The following STXBP5L variants were observed in gnomAD, a reference collection of about 807,000 sequenced individuals.
STXBP5L encodes syntaxin binding protein 5L.
STXBP5L carries 65 observed loss-of-function variants against 144.5 expected under a neutral mutation model. The ratio of observed to expected loss-of-function variants is 0.45; its 90% CI spans 0.37 to 0.55. The LOEUF (loss-of-function observed/expected upper bound fraction) is 0.55, where lower values mean the gene tolerates loss of function less well. Among genes scored for constraint, STXBP5L ranks in the 20% least tolerant of loss-of-function variants. STXBP5L has a pLI of 0.00. For missense variants in STXBP5L, 1,298 were observed against 1,405.5 expected (o/e 0.92, Z 1.22); for synonymous variants, 505 against 469.6 (o/e 1.08, Z -0.97).
At chr3:120,991,904 A>G (rs554580469) in intron 3 of STXBP5L, among the ~76,000 whole-genome samples, 333 of 152,330 alleles carry the variant, frequency 2.2e-3, no homozygotes, top group Non-Finnish European at 3.7e-3. Context: ...TGGCACATGT[A>G]TACATATGTA....
At chr3:121,407,215 T>A in intron 22 of STXBP5L, 28 bp from the exon 23 acceptor site, 1 of 1,527,684 alleles carries the variant, frequency 6.5e-7, no homozygotes, top group Non-Finnish European at 8.8e-7. Flanking sequence ...GAATTTGACA[T>A]GTCAGTGATG....
intron 20 of STXBP5L, among the ~76,000 whole-genome samples, chr3:121,343,927 G>T (rs1395123783): frequency 6.6e-6 from 1 of 151,166 alleles, no homozygotes; most frequent in Non-Finnish European, 1.5e-5. Flanking sequence ...CCAAAAAAGA[G>T]CCTGCATCAC....
intron 9 of STXBP5L, among the ~76,000 whole-genome samples, chr3:121,161,077 A>T (rs968695403): frequency 6.6e-6 from 1 of 151,990 alleles, no homozygotes; most frequent in African/African-American, 2.4e-5. Context: ...TCTTTTTTTA[A>T]TTAAGAGGAA....
At chr3:121,340,900 T>C (rs1200978950) in intron 20 of STXBP5L, among the ~76,000 whole-genome samples, 1 of 152,122 alleles carries the variant, frequency 6.6e-6, no homozygotes, top group Non-Finnish European at 1.5e-5. Flanking sequence ...TTCTCTTTGC[T>C]AGCTTGTTTA....
chr3:120,965,833 G>T (rs771145515), intron 3 of STXBP5L, among the ~76,000 whole-genome samples: 5 of 152,054 alleles, frequency 3.3e-5, no homozygotes, highest in African/African-American at 4.8e-5. Flanking sequence ...GTCTTGCTAG[G>T]TTGGGGAAAT....
rs1353440295 is a variant in STXBP5L at position 120,977,755 on chromosome 3, C to T, written c.287+22718C>T. On this transcript the variant is annotated intron_variant, in intron 3 of 26. Transcript: ENST00000471454. Reference sequence around the variant, plus strand: ...GGCAGGCCTGGTGGTGACAAAATCTCTCAGCATTTGCTTGTCTGTGAAGTA... The same window carrying T: ...GGCAGGCCTGGTGGTGACAAAATCTTTCAGCATTTGCTTGTCTGTGAAGTA... Among the ~76,000 whole-genome samples, 6 of 152,214 alleles carry T rather than the reference C, an allele frequency of 3.9e-5. No homozygotes were observed. In the South Asian group the frequency reaches 8.3e-4, roughly 21 times the overall value.
chr3:121,217,875 A>G (rs1271976124), intron 10 of STXBP5L, among the ~76,000 whole-genome samples: 2 of 151,416 alleles, frequency 1.3e-5, no homozygotes, highest in Admixed American at 6.6e-5. Flanking sequence ...TATGACGTCT[A>G]TTTTATTGCT....
chr3:121,378,277 G>C (rs1171978564), intron 20 of STXBP5L, among the ~76,000 whole-genome samples: 1 of 152,132 alleles, frequency 6.6e-6, no homozygotes, highest in Non-Finnish European at 1.5e-5. Context: ...CATGGTGCAT[G>C]TATACCTATG....
At chr3:121,022,307 AG>A (rs1344333342) in intron 3 of STXBP5L, among the ~76,000 whole-genome samples, 1 of 152,180 alleles carries the variant, frequency 6.6e-6, no homozygotes, top group Non-Finnish European at 1.5e-5. Flanking sequence ...CAACAAAAAA[AG>A]TCCAGGACCA....
intron 20 of STXBP5L, among the ~76,000 whole-genome samples, chr3:121,342,963 A>G (rs1383099781): frequency 6.6e-6 from 1 of 150,456 alleles, no homozygotes; most frequent in African/African-American, 2.4e-5. Context: ...AGTCCCACCA[A>G]CAGTGTAAAA....
At chr3:121,084,633 G>A (rs188043424) in intron 5 of STXBP5L, among the ~76,000 whole-genome samples, 2 of 152,254 alleles carry the variant, frequency 1.3e-5, no homozygotes, top group African/African-American at 4.8e-5. Flanking sequence ...TTGATTCCAT[G>A]TCTTTACTCT....
chr3:121,007,351 T>G (rs867455952), intron 3 of STXBP5L, among the ~76,000 whole-genome samples: 2 of 152,056 alleles, frequency 1.3e-5, no homozygotes, highest in Admixed American at 6.6e-5. Context: ...TCTTTTATGA[T>G]AATAGTTTTG....
intron 3 of STXBP5L, among the ~76,000 whole-genome samples, chr3:120,973,766 TC>T (rs1198095429): frequency 6.6e-6 from 1 of 151,816 alleles, no homozygotes; most frequent in Non-Finnish European, 1.5e-5. Context: ...ATTGTTCAAT[TC>T]CCACCTATGA....
chr3:120,979,309 C>T (rs1034893183), intron 3 of STXBP5L, among the ~76,000 whole-genome samples: 8 of 152,182 alleles, frequency 5.3e-5, no homozygotes, highest in Non-Finnish European at 1.0e-4. Flanking sequence ...GACTGCTGTG[C>T]TAGCAATCAG....
chr3:121,017,550 C>T (rs543780275), intron 3 of STXBP5L, among the ~76,000 whole-genome samples: 1 of 152,116 alleles, frequency 6.6e-6, no homozygotes, highest in Admixed American at 6.5e-5. Context: ...ACAGAATCAA[C>T]AAAAACACTT....
chr3:121,045,973 C>T (rs1947491332), intron 5 of STXBP5L, among the ~76,000 whole-genome samples: 1 of 152,090 alleles, frequency 6.6e-6, no homozygotes. Context: ...CCAGGTTTTG[C>T]CCATTCAGTA....
chr3:121,343,085 C>A (rs2044789043), intron 20 of STXBP5L, among the ~76,000 whole-genome samples: 1 of 152,184 alleles, frequency 6.6e-6, no homozygotes, highest in Non-Finnish European at 1.5e-5. Flanking sequence ...ATTTCCATTT[C>A]TCTGATAGCC....
chr3:121,064,071 T>C (rs1325825386), intron 5 of STXBP5L, among the ~76,000 whole-genome samples: 2 of 152,148 alleles, frequency 1.3e-5, no homozygotes, highest in African/African-American at 4.8e-5. Context: ...CGGTGTCTGC[T>C]CAAATGGCTG....
At position 121,345,316 on chromosome 3, in the gene STXBP5L, A is replaced by G. The variant is rs2044913573; in HGVS notation, c.2176+26776A>G. ...AGAATGATGGTTTCCAGCTTCATCCATGTCCCTGCAAAGGACATGAACTCA... is the reference window on the plus strand; with the variant it reads ...AGAATGATGGTTTCCAGCTTCATCCGTGTCCCTGCAAAGGACATGAACTCA... On this transcript the variant is annotated intron_variant, in intron 20 of 26. Coordinates refer to ENST00000471454, the MANE Select transcript of STXBP5L (RefSeq NM_001308330.2). Among the ~76,000 whole-genome samples, 4 of 152,194 alleles carry G rather than the reference A, an allele frequency of 2.6e-5. No individual in the cohort carries two copies. In the South Asian group the frequency reaches 8.3e-4, roughly 32 times the overall value.
Sources: gnomAD v4.1 joint callset for allele counts (sites outside exome capture counted in the v4.1 genomes callset) on GRCh38, gnomAD v4.1.1 for gene constraint, MANE v1.5 for transcripts, NCBI Gene and HGNC (gene_info 2026-07-23, HGNC 2026-07-21) for gene names.